Variants in RBFOX1 observed in about 807,000 individuals in gnomAD.
RBFOX1 encodes the protein RNA binding protein fox-1 homolog 1.
In RBFOX1, 8 loss-of-function variants were observed where a neutral mutation model predicts 57.7. The ratio of observed to expected loss-of-function variants is 0.14; its 90% CI spans 0.08 to 0.25. RBFOX1 has a LOEUF of 0.25. Ranked by LOEUF, RBFOX1 falls within the 10% of genes least tolerant of loss-of-function variation. The pLI is 1.00. For synonymous variants in RBFOX1, 326 were observed against 222.4 expected, an observed-to-expected ratio of 1.47 and a Z score of -4.15; for missense variants, 611 against 548.5, an observed-to-expected ratio of 1.11 and a Z score of -1.14.
chr16:5,770,978 C>CT (rs2053959088), intron 3 of RBFOX1, among the ~76,000 whole-genome samples: 1 of 152,178 alleles, frequency 6.6e-6, no homozygotes, highest in Non-Finnish European at 1.5e-5. Flanking sequence ...GGCCACGACC[C>CT]TTTTTGCTGG....
At chr16:7,530,590 T>C (rs1351075602) in intron 5 of RBFOX1, among the ~76,000 whole-genome samples, 2 of 152,094 alleles carry the variant, frequency 1.3e-5, no homozygotes, top group African/African-American at 4.8e-5. Context: ...AATTCAGCAA[T>C]GTCATGCGTT....
chr16:7,207,405 G>T (rs1316999343), intron 4 of RBFOX1, among the ~76,000 whole-genome samples: 2 of 152,064 alleles, frequency 1.3e-5, no homozygotes, highest in Non-Finnish European at 1.5e-5. Flanking sequence ...CACATGAATG[G>T]TAGAGAGAGG....
rs796271662 is a variant in RBFOX1 at position 7,364,590 on chromosome 16, C to CA, written c.28-153545dup. Reference sequence around the variant, plus strand: ...TCAAGAAGACCAAAAAAAAAAAAAACAAAAAAAAAAAACTTGGATCCCAGA... The same window carrying CA: ...TCAAGAAGACCAAAAAAAAAAAAAACAAAAAAAAAAAAACTTGGATCCCAGA... On this transcript the variant is annotated intron_variant, in intron 4 of 15. Transcript: ENST00000550418. Among the ~76,000 whole-genome samples the CA allele has an allele frequency of 6.6e-3, 804 of 122,690 alleles. 3 individuals are homozygous for CA. The highest frequency in any genetic ancestry group is 0.011 in the African/African-American group (348 of 32,994). The allele number at this position is 122,690 out of a possible 152,430, so 80.5% of individuals were successfully genotyped here.
chr16:6,235,245 A>G lies in RBFOX1; in HGVS notation c.-126-81750A>G, dbSNP rs559681186. Reference sequence around the variant, plus strand: ...TCACCCTTCTTCCATGTGGTCATTCACATCTCGGAAGGCCTAACTCCCCTC... The same window carrying G: ...TCACCCTTCTTCCATGTGGTCATTCGCATCTCGGAAGGCCTAACTCCCCTC... On this transcript the variant is annotated intron_variant, in intron 1 of 15. Coordinates refer to ENST00000550418, the MANE Select transcript of RBFOX1 (RefSeq NM_018723.4). 6.7e-4 allele frequency among the ~76,000 whole-genome samples: 102 copies of G among 152,036 alleles called. No homozygotes were observed. The Middle Eastern group carries it at 0.017, about 26-fold the overall frequency.
intron 4 of RBFOX1, among the ~76,000 whole-genome samples, chr16:7,239,402 G>T (rs1213946191): frequency 6.6e-6 from 1 of 152,178 alleles, no homozygotes; most frequent in African/African-American, 2.4e-5. Context: ...GGGAGTCTAA[G>T]GCACCAGAAT....
At chr16:7,015,195 C>T (rs1230942416) in intron 3 of RBFOX1, among the ~76,000 whole-genome samples, 3 of 152,142 alleles carry the variant, frequency 2.0e-5, no homozygotes, top group East Asian at 1.9e-4. Flanking sequence ...GTGACAGCAG[C>T]AGATGCATCC....
intron 3 of RBFOX1, among the ~76,000 whole-genome samples, chr16:5,624,267 T>G (rs924132811): frequency 5.9e-5 from 9 of 152,208 alleles, no homozygotes; most frequent in African/African-American, 2.2e-4. Flanking sequence ...TGATCTAGGC[T>G]CACTGCAAGC....
intron 4 of RBFOX1, among the ~76,000 whole-genome samples, chr16:7,315,105 A>C (rs1248609334): frequency 6.9e-6 from 1 of 144,386 alleles, no homozygotes; most frequent in African/African-American, 2.5e-5. Flanking sequence ...TTTTTTTTTT[A>C]ATGAATTGCA....
At position 7,449,730 on chromosome 16, in the gene RBFOX1, G is replaced by GTGT. The variant is rs112647196; in HGVS notation, c.28-68417_28-68416insTGT. 2.5e-4 allele frequency among the ~76,000 whole-genome samples: 17 copies of GTGT among 67,224 alleles called. No homozygotes were observed. The South Asian group carries it at 4.1e-3, about 16-fold the overall frequency. The allele number at this position is 67,224 out of a possible 152,430, so 44.1% of individuals were successfully genotyped here. A position where few individuals can be genotyped will look rare whatever the true frequency, so the allele number is the denominator to read the frequency against. On this transcript the variant is annotated intron_variant, in intron 4 of 15. Transcript: ENST00000550418. ...GAAACATGTATGTGTGTGTGTGTGT[G>GTGT]GGGGGGGGGGGTTGTTTTGTTTTGT... is the stretch of plus-strand genomic sequence containing the variant.
chr16:5,743,638 A>C (rs534333283), intron 3 of RBFOX1, among the ~76,000 whole-genome samples: 1 of 152,340 alleles, frequency 6.6e-6, no homozygotes, highest in South Asian at 2.1e-4. Flanking sequence ...TTAAAAAATC[A>C]CACATGATTT....
chr16:6,876,987 C>G (rs569116021), intron 3 of RBFOX1, among the ~76,000 whole-genome samples: 1 of 152,166 alleles, frequency 6.6e-6, no homozygotes, highest in Non-Finnish European at 1.5e-5. Flanking sequence ...ATATAGTTTT[C>G]CAGTGGAGCA....
chr16:5,895,749 C>G (rs1597681721), intron 4 of RBFOX1, among the ~76,000 whole-genome samples: 1 of 152,156 alleles, frequency 6.6e-6, no homozygotes, highest in African/African-American at 2.4e-5. Context: ...GATTAAATGA[C>G]ATGTCATGCG....
At chr16:6,387,132 C>A (rs371271182) in intron 2 of RBFOX1, among the ~76,000 whole-genome samples, 1 of 152,120 alleles carries the variant, frequency 6.6e-6, no homozygotes, top group Non-Finnish European at 1.5e-5. Context: ...CAAATCCATG[C>A]CTTTTAGGGT....
chr16:5,847,753 G>T (rs958323230), intron 3 of RBFOX1, among the ~76,000 whole-genome samples: 1 of 152,024 alleles, frequency 6.6e-6, no homozygotes, highest in East Asian at 1.9e-4. Flanking sequence ...CACTCTCTCG[G>T]TCCGTGCAAC....
chr16:5,546,774 C>T (rs895659396), intron 2 of RBFOX1, among the ~76,000 whole-genome samples: 1 of 152,136 alleles, frequency 6.6e-6, no homozygotes, highest in Non-Finnish European at 1.5e-5. Flanking sequence ...AATTGAACTT[C>T]ATCAAAATTA....
At chr16:7,321,136 CTTAT>C (rs1202091003) in intron 4 of RBFOX1, among the ~76,000 whole-genome samples, 1 of 149,966 alleles carries the variant, frequency 6.7e-6, no homozygotes, top group Non-Finnish European at 1.5e-5. Flanking sequence ...TATACTTATA[CTTAT>C]ATTGTTTGTT....
intron 4 of RBFOX1, among the ~76,000 whole-genome samples, chr16:5,908,679 G>A (rs2058538641): frequency 6.6e-6 from 1 of 151,994 alleles, no homozygotes; most frequent in Non-Finnish European, 1.5e-5. Flanking sequence ...GTGTGGCAGG[G>A]CATTGCAGAC....
At chr16:7,477,576 G>C (rs1158675862) in intron 4 of RBFOX1, among the ~76,000 whole-genome samples, 2 of 152,122 alleles carry the variant, frequency 1.3e-5, no homozygotes, top group Non-Finnish European at 2.9e-5. Flanking sequence ...ATTCCGGCTG[G>C]CTCCATATGG....
Position 7,682,360 on chromosome 16 carries a change from G to C in RBFOX1, c.995+5522G>C, listed in dbSNP as rs181777736. Among the ~76,000 whole-genome samples, 827 of 152,158 alleles carry C rather than the reference G, an allele frequency of 5.4e-3. 2 individuals carry two copies. The highest frequency in any genetic ancestry group is 8.8e-3 in the Non-Finnish European group (599 of 67,978). On this transcript the variant is annotated intron_variant, in intron 14 of 15. Transcript: ENST00000550418. ...ACAAGGAACTGAGGATGGAGTTCTTGGGGGTTCAGAAGGGATGGGAGAGTT... is the reference window on the plus strand; with the variant it reads ...ACAAGGAACTGAGGATGGAGTTCTTCGGGGTTCAGAAGGGATGGGAGAGTT...
Sources: gnomAD v4.1 joint callset for allele counts (sites outside exome capture counted in the v4.1 genomes callset) on GRCh38, gnomAD v4.1.1 for gene constraint, MANE v1.5 for transcripts, NCBI Gene and HGNC (gene_info 2026-07-23, HGNC 2026-07-21) for gene names.